Variants in HCRTR2 observed in about 807,000 individuals in gnomAD.
The protein encoded by HCRTR2 is orexin receptor type 2.
HCRTR2 carries 22 observed loss-of-function variants against 49.0 expected under a neutral mutation model. That is an observed-to-expected ratio of 0.45 (90% CI 0.32 to 0.64). The LOEUF is 0.64. Among genes scored for constraint, HCRTR2 ranks in the 30% least tolerant of loss-of-function variants. The pLI is 0.04. For missense variants in HCRTR2, 491 were observed against 559.4 expected, an observed-to-expected ratio of 0.88 and a Z score of 1.23; for synonymous variants, 236 against 205.3, an observed-to-expected ratio of 1.15 and a Z score of -1.28.
intron 2 of HCRTR2, among the ~76,000 whole-genome samples, chr6:55,250,880 G>C (rs1452740034): frequency 1.3e-5 from 2 of 152,040 alleles, no homozygotes; most frequent in Non-Finnish European, 2.9e-5. Context: ...AAACTACTGG[G>C]TAACCACATG....
At chr6:55,272,631 C>A in intron 4 of HCRTR2, among the ~76,000 whole-genome samples, 1 of 149,030 alleles carries the variant, frequency 6.7e-6, no homozygotes. Flanking sequence ...GCTGCTGAAA[C>A]CACAGGGAAG....
intron 1 of HCRTR2, among the ~76,000 whole-genome samples, chr6:55,150,086 A>C (rs997521971): frequency 1.3e-5 from 2 of 152,002 alleles, no homozygotes; most frequent in African/African-American, 4.8e-5. Flanking sequence ...AAGTGTGCTT[A>C]TCAATCAGCT....
intron 1 of HCRTR2, among the ~76,000 whole-genome samples, chr6:55,189,094 C>T (rs1174572167): frequency 6.6e-6 from 1 of 152,310 alleles, no homozygotes; most frequent in Middle Eastern, 3.4e-3. Flanking sequence ...TTAATCTCCT[C>T]TACTGCTTTC....
intron 1 of HCRTR2, among the ~76,000 whole-genome samples, chr6:55,196,181 C>T (rs1765406409): frequency 6.6e-6 from 1 of 152,132 alleles, no homozygotes. Context: ...TCTAACAGCA[C>T]TACATCTTTC....
At chr6:55,150,824 C>T (rs764258228) in intron 1 of HCRTR2, among the ~76,000 whole-genome samples, 1 of 151,846 alleles carries the variant, frequency 6.6e-6, no homozygotes, top group Non-Finnish European at 1.5e-5. Flanking sequence ...CTTTGAAATT[C>T]TGATTTCAAT....
At chr6:55,234,979 A>T (rs1330278669) in intron 1 of HCRTR2, among the ~76,000 whole-genome samples, 1 of 152,186 alleles carries the variant, frequency 6.6e-6, no homozygotes, top group Non-Finnish European at 1.5e-5. Context: ...CAATGATAAT[A>T]TAATCACACA....
At chr6:55,263,988 T>C (rs1001553417) in intron 4 of HCRTR2, 166 bp downstream of exon 4, 16 of 623,452 alleles carry the variant, frequency 2.6e-5, no homozygotes, top group African/African-American at 2.2e-4. Context: ...TATTATATTG[T>C]GTGTTCTTTT....
intron 1 of HCRTR2, among the ~76,000 whole-genome samples, chr6:55,145,943 T>C (rs893802355): frequency 5.3e-5 from 8 of 152,102 alleles, no homozygotes; most frequent in Non-Finnish European, 8.8e-5. Context: ...AAAATGACCA[T>C]CAGCAGGAAA....
intron 1 of HCRTR2, among the ~76,000 whole-genome samples, chr6:55,160,640 A>G (rs763930146): frequency 6.6e-6 from 1 of 152,198 alleles, no homozygotes; most frequent in Non-Finnish European, 1.5e-5. Context: ...ATGGAGGAAT[A>G]TTTACTAAGC....
chr6:55,157,214 A>C (rs1347805334), intron 1 of HCRTR2, among the ~76,000 whole-genome samples: 1 of 152,198 alleles, frequency 6.6e-6, no homozygotes, highest in African/African-American at 2.4e-5. Flanking sequence ...AAACACTTGT[A>C]TTTCTATACA....
At chr6:55,106,944 G>T (rs4236124) in intron 1 of HCRTR2, among the ~76,000 whole-genome samples, 152,207 of 152,244 alleles carry the variant, frequency 1, 76,085 homozygotes, top group Non-Finnish European at 1. Flanking sequence ...CTCAGACAGA[G>T]GTGACTATCT....
downstream of HCRTR2, among the ~76,000 whole-genome samples, chr6:55,284,194 C>T (rs1767243395): frequency 6.6e-6 from 1 of 151,748 alleles, no homozygotes; most frequent in South Asian, 2.1e-4. Context: ...AATATACCTA[C>T]TTATAATTTA....
chr6:55,204,065 A>T (rs1765557920), intron 1 of HCRTR2, among the ~76,000 whole-genome samples: 1 of 152,212 alleles, frequency 6.6e-6, no homozygotes, highest in African/African-American at 2.4e-5. Flanking sequence ...CCTGTTAAAT[A>T]GTCCATTCCC....
At chr6:55,206,448 A>G (rs1259868960) in intron 1 of HCRTR2, among the ~76,000 whole-genome samples, 1 of 152,064 alleles carries the variant, frequency 6.6e-6, no homozygotes, top group Admixed American at 6.6e-5. Context: ...GAAACTAGCT[A>G]AGATGAATTA....
intron 1 of HCRTR2, among the ~76,000 whole-genome samples, chr6:55,113,224 G>C (rs1363726392): frequency 6.6e-6 from 1 of 152,044 alleles, no homozygotes; most frequent in African/African-American, 2.4e-5. Context: ...CTTAGGCAAA[G>C]ACTTCATGAC....
chr6:55,145,392 T>TG (rs1304585453), intron 1 of HCRTR2, among the ~76,000 whole-genome samples: 2 of 86,056 alleles, frequency 2.3e-5, no homozygotes, highest in East Asian at 2.3e-4. Context: ...TAACATTCTT[T>TG]GTTTTTTTTT....
chr6:55,240,967 C>CT (rs959907894), intron 1 of HCRTR2, among the ~76,000 whole-genome samples: 12 of 147,726 alleles, frequency 8.1e-5, no homozygotes, highest in African/African-American at 2.2e-4. Flanking sequence ...GTTTTCTTTT[C>CT]TTTTTTTATT....
intron 3 of HCRTR2, among the ~76,000 whole-genome samples, chr6:55,258,957 A>G (rs892089991): frequency 7.2e-5 from 11 of 152,172 alleles, no homozygotes; most frequent in African/African-American, 2.7e-4. Flanking sequence ...AAGCTGAGGC[A>G]GGACAATCGC....
At chr6:55,261,799 G>T (rs1230396346) in intron 3 of HCRTR2, among the ~76,000 whole-genome samples, 1 of 152,066 alleles carries the variant, frequency 6.6e-6, no homozygotes, top group Non-Finnish European at 1.5e-5. Flanking sequence ...AGGAAAATAA[G>T]CCATTATACT....
Sources: gnomAD v4.1 joint callset for allele counts (sites outside exome capture counted in the v4.1 genomes callset) on GRCh38, gnomAD v4.1.1 for gene constraint, MANE v1.5 for transcripts, NCBI Gene and HGNC (gene_info 2026-07-23, HGNC 2026-07-21) for gene names.